Variants in LRBA observed in about 807,000 individuals in gnomAD.
LRBA encodes the protein lipopolysaccharide-responsive and beige-like anchor protein.
A neutral mutation model predicts 330.0 loss-of-function variants in LRBA; 176 were observed. The ratio of observed to expected loss-of-function variants is 0.53; its 90% CI spans 0.47 to 0.60. The LOEUF is 0.60. Among genes scored for constraint, LRBA ranks in the 20% least tolerant of loss-of-function variants. LRBA has a pLI of 0.00. For missense variants in LRBA, 3,259 were observed against 3,444.8 expected, an observed-to-expected ratio of 0.95 and a Z score of 1.35; for synonymous variants, 1,230 against 1,193.0, an observed-to-expected ratio of 1.03 and a Z score of -0.64.
At chr4:150,786,393 G>A (rs778752342) in intron 34 of LRBA, among the ~76,000 whole-genome samples, 17 of 151,574 alleles carry the variant, frequency 1.1e-4, no homozygotes, top group Non-Finnish European at 2.1e-4. Context: ...ACAGGCACCC[G>A]CCACCACGCC....
chr4:150,842,910 CG>C (rs1749308360), intron 28 of LRBA, among the ~76,000 whole-genome samples: 1 of 148,128 alleles, frequency 6.8e-6, no homozygotes, highest in Non-Finnish European at 1.5e-5. Flanking sequence ...GGGTAAGAGG[CG>C]GGGTGGGGGT....
intron 37 of LRBA, among the ~76,000 whole-genome samples, chr4:150,645,290 G>A (rs913944023): frequency 2.2e-4 from 33 of 150,512 alleles, no homozygotes; most frequent in African/African-American, 7.1e-4. Flanking sequence ...ACATAATAAT[G>A]TTTCTTAATA....
intron 33 of LRBA, among the ~76,000 whole-genome samples, chr4:150,801,706 C>A (rs931227897): frequency 6.6e-6 from 1 of 152,124 alleles, no homozygotes; most frequent in African/African-American, 2.4e-5. Flanking sequence ...CTCAAGTTAT[C>A]ACACAAACTA....
intron 30 of LRBA, among the ~76,000 whole-genome samples, chr4:150,827,604 CTT>C (rs1215325451): frequency 5.0e-5 from 7 of 140,064 alleles, no homozygotes; most frequent in Admixed American, 1.4e-4. Context: ...CTTTTTTTTT[CTT>C]TTTTTTTTTT....
At chr4:150,798,253 C>T (rs556511984) in intron 33 of LRBA, 111 bp from the exon 34 acceptor site, 1 of 643,244 alleles carries the variant, frequency 1.6e-6, no homozygotes, top group Non-Finnish European at 2.8e-6. Context: ...ATTAATAGTG[C>T]ACATTTAATC....
intron 40 of LRBA, among the ~76,000 whole-genome samples, chr4:150,574,372 G>T (rs1581713927): frequency 6.6e-6 from 1 of 152,128 alleles, no homozygotes. Context: ...ATTTCTGATA[G>T]AAATAAACAA....
At chr4:150,884,134 G>C (rs1728691229) in intron 17 of LRBA, among the ~76,000 whole-genome samples, 1 of 152,188 alleles carries the variant, frequency 6.6e-6, no homozygotes, top group South Asian at 2.1e-4. Context: ...GCAGTAAAAA[G>C]TAGCACTGTT....
At chr4:150,528,458 G>A (rs570666485) in intron 40 of LRBA, among the ~76,000 whole-genome samples, 55 of 150,222 alleles carry the variant, frequency 3.7e-4, no homozygotes, top group African/African-American at 1.3e-3. Context: ...CCGAGATCAC[G>A]CCACTGCACT....
intron 33 of LRBA, among the ~76,000 whole-genome samples, chr4:150,803,078 A>ATG (rs1741944970): frequency 8.3e-6 from 1 of 120,114 alleles, no homozygotes; most frequent in Non-Finnish European, 1.7e-5. Context: ...AAAAAAAAAT[A>ATG]TATATACACA....
chr4:150,389,157 A>T (rs1366945847), intron 47 of LRBA, among the ~76,000 whole-genome samples: 3 of 152,184 alleles, frequency 2.0e-5, no homozygotes, highest in African/African-American at 7.2e-5. Flanking sequence ...ATTAACTTTT[A>T]TAAAGGCAGT....
At chr4:150,301,350 A>G (rs57266819) in intron 53 of LRBA, among the ~76,000 whole-genome samples, 1,777 of 152,196 alleles carry the variant, frequency 0.012, 31 homozygotes, top group African/African-American at 0.04. Context: ...TACACACACT[A>G]CAATTTGATC....
chr4:150,544,121 T>A (rs1200963212), intron 40 of LRBA, among the ~76,000 whole-genome samples: 1 of 151,656 alleles, frequency 6.6e-6, no homozygotes, highest in Non-Finnish European at 1.5e-5. Flanking sequence ...ACATAATTCT[T>A]CCTTTCTTTT....
At chr4:150,962,706 C>T (rs1456353587) in intron 2 of LRBA, among the ~76,000 whole-genome samples, 2 of 149,054 alleles carry the variant, frequency 1.3e-5, no homozygotes, top group African/African-American at 2.6e-5. Context: ...GTAATCCCAG[C>T]ACTTTGGGAG....
chr4:150,640,578 A>G (rs1460063395), intron 37 of LRBA, among the ~76,000 whole-genome samples: 1 of 152,214 alleles, frequency 6.6e-6, no homozygotes, highest in Non-Finnish European at 1.5e-5. Flanking sequence ...TGATATAAAG[A>G]GCATGTTAAA....
chr4:150,440,564 C>T (rs1190238146), intron 44 of LRBA, among the ~76,000 whole-genome samples: 1 of 151,946 alleles, frequency 6.6e-6, no homozygotes, highest in African/African-American at 2.4e-5. Context: ...TAACTTGAGC[C>T]CAGGAGTTTG....
At chr4:150,782,541 G>A (rs1738407097) in intron 34 of LRBA, among the ~76,000 whole-genome samples, 1 of 152,152 alleles carries the variant, frequency 6.6e-6, no homozygotes, top group African/African-American at 2.4e-5. Flanking sequence ...AGAAAACAGG[G>A]TCTCTCTGCT....
chr4:150,475,407 C>A (rs149275011), intron 42 of LRBA, among the ~76,000 whole-genome samples: 1 of 152,234 alleles, frequency 6.6e-6, no homozygotes, highest in East Asian at 1.9e-4. Context: ...ACAACTGGGT[C>A]TGGGCTTTTC....
intron 2 of LRBA, among the ~76,000 whole-genome samples, chr4:150,983,852 G>A (rs1414895349): frequency 6.6e-6 from 1 of 151,746 alleles, no homozygotes; most frequent in Non-Finnish European, 1.5e-5. Context: ...ATACTTACAT[G>A]TAAAAGAAGA....
intron 33 of LRBA, among the ~76,000 whole-genome samples, chr4:150,805,006 AAGTC>A (rs1332580992): frequency 6.6e-6 from 1 of 152,124 alleles, no homozygotes; most frequent in Non-Finnish European, 1.5e-5. Flanking sequence ...TGGTATTTTG[AAGTC>A]AGTCTGATAA....
Sources: allele counts gnomAD v4.1 joint callset (sites outside exome capture counted in the v4.1 genomes callset), GRCh38; gene constraint gnomAD v4.1.1; transcripts MANE v1.5; gene names NCBI Gene and HGNC (gene_info 2026-07-23, HGNC 2026-07-21).